Variants in TMTC1 observed in about 807,000 individuals in gnomAD.
TMTC1 encodes the protein transmembrane O-mannosyltransferase targeting cadherins 1.
Under a neutral mutation model 104.8 loss-of-function variants are expected in TMTC1, and 73 were observed. The ratio of observed to expected loss-of-function variants is 0.70; its 90% CI spans 0.58 to 0.85. TMTC1 has a LOEUF of 0.85. Ranked by LOEUF, TMTC1 falls within the 40% of genes least tolerant of loss-of-function variation. TMTC1 has a pLI of 0.00. For synonymous variants in TMTC1, 434 were observed against 428.7 expected (o/e 1.01, Z -0.15); for missense variants, 1,035 against 1,096.1 (o/e 0.94, Z 0.79).
At chr12:29,695,793 T>TATATATATATATA (rs1555188366) in intron 5 of TMTC1, among the ~76,000 whole-genome samples, 155 of 83,642 alleles carry the variant, frequency 1.9e-3, no homozygotes, top group Admixed American at 3.0e-3. Flanking sequence ...TACTTCCTTT[T>TATATATATATATA]TATATATATA....
rs1943089162 is a variant in TMTC1 at position 29,751,521 on chromosome 12, G to A, written c.938+145C>T. ...GAAGGAAGGGAGGGAAATAGGGACAGGAAGAAGGGGGTAAGGAGGGAAGCA... is the reference window on the plus strand; with the variant it reads ...GAAGGAAGGGAGGGAAATAGGGACAAGAAGAAGGGGGTAAGGAGGGAAGCA... On this transcript the variant is annotated intron_variant, in intron 5 of 17. Coordinates refer to ENST00000539277, the MANE Select transcript of TMTC1 (RefSeq NM_001193451.2). 4.9e-6 allele frequency: 4 copies of A among 811,982 alleles called. No homozygotes were observed. The East Asian group carries it at 1.0e-4, about 21-fold the overall frequency. 50.3% of individuals were successfully genotyped at this position (811,982 alleles called of 1,614,324 possible). A position where few individuals can be genotyped will look rare whatever the true frequency, so the allele number is the denominator to read the frequency against.
intron 7 of TMTC1, among the ~76,000 whole-genome samples, chr12:29,597,615 G>A (rs1232829702): frequency 4.4e-5 from 6 of 136,024 alleles, no homozygotes; most frequent in East Asian, 2.2e-4. Flanking sequence ...AGGCAGACAC[G>A]CCATAAAATG....
At chr12:29,532,700 T>C (rs991528008) in intron 11 of TMTC1, 1 of 152,164 alleles carries the variant, frequency 6.6e-6, no homozygotes, top group Non-Finnish European at 1.5e-5. Context: ...CCAGGTATTA[T>C]ATTATGAATA....
chr12:29,615,572 A>T (rs1373343552), intron 6 of TMTC1, among the ~76,000 whole-genome samples: 1 of 152,120 alleles, frequency 6.6e-6, no homozygotes, highest in Non-Finnish European at 1.5e-5. Context: ...TTCTAGGTGA[A>T]ACTTGCCTCC....
rs966730094 is a variant in TMTC1, at chr12:29,759,302, C to T, written c.481-525G>A. Among the ~76,000 whole-genome samples, 3 of 151,932 alleles carry T rather than the reference C, an allele frequency of 2.0e-5. 1 individual carries two copies. Among genetic ancestry groups the T allele is most frequent in the South Asian group, 4.2e-4 (2 of 4,812 alleles). On this transcript the variant is annotated intron_variant, in intron 2 of 17. Transcript: ENST00000539277. ...CTTGAGTTAACGAGTTCAAGACCAG[C>T]CTGGACAACATGGCAAAACCCTGTG... is the stretch of plus-strand genomic sequence containing the variant.
chr12:29,719,886 A>G (rs1021925126), intron 5 of TMTC1, among the ~76,000 whole-genome samples: 1 of 152,218 alleles, frequency 6.6e-6, no homozygotes, highest in African/African-American at 2.4e-5. Flanking sequence ...ATCTAGCTGC[A>G]GTATTGCCAG....
intron 4 of TMTC1, among the ~76,000 whole-genome samples, chr12:29,753,362 T>C (rs973871582): frequency 3.3e-5 from 5 of 152,124 alleles, no homozygotes; most frequent in Non-Finnish European, 4.4e-5. Context: ...GCAGCAGACG[T>C]CCTGCGAGGT....
intron 2 of TMTC1, among the ~76,000 whole-genome samples, chr12:29,767,234 T>C (rs1362273133): frequency 6.6e-6 from 1 of 152,216 alleles, no homozygotes; most frequent in Non-Finnish European, 1.5e-5. Flanking sequence ...ATTACAGGCG[T>C]GAGCCACCAC....
chr12:29,522,587 T>TAA (rs61590627), intron 11 of TMTC1, among the ~76,000 whole-genome samples: 8 of 144,728 alleles, frequency 5.5e-5, no homozygotes, highest in Non-Finnish European at 1.2e-4. Flanking sequence ...TGTGTGTGTG[T>TAA]AATGAAGACA....
At chr12:29,600,451 T>TGTG in intron 7 of TMTC1, among the ~76,000 whole-genome samples, 1 of 152,196 alleles carries the variant, frequency 6.6e-6, no homozygotes, top group Middle Eastern at 3.2e-3. Context: ...TTACCCAGAC[T>TGTG]TTAATTTCCA....
At chr12:29,558,906 G>A (rs1000913909) in intron 9 of TMTC1, among the ~76,000 whole-genome samples, 19 of 152,228 alleles carry the variant, frequency 1.2e-4, no homozygotes, top group African/African-American at 4.1e-4. Context: ...AAAGTGTCCC[G>A]CAAAGCTTGT....
intron 5 of TMTC1, among the ~76,000 whole-genome samples, chr12:29,688,196 T>C (rs991181181): frequency 5.9e-5 from 9 of 152,190 alleles, no homozygotes; most frequent in Middle Eastern, 3.2e-3. Context: ...GATTGAATTA[T>C]TGAAGGATGT....
intron 11 of TMTC1, among the ~76,000 whole-genome samples, chr12:29,529,561 G>T (rs1944442019): frequency 6.6e-6 from 1 of 152,070 alleles, no homozygotes; most frequent in Non-Finnish European, 1.5e-5. Context: ...TTACAAACCT[G>T]GGAAATTAAG....
Position 29,783,757 on chromosome 12 carries a change from C to G in TMTC1, c.-6G>C. 2 of 1,154,986 alleles carry G rather than the reference C, an allele frequency of 1.7e-6. No homozygotes were observed. The highest frequency in any genetic ancestry group is 8.4e-5 in the South Asian group (2 of 23,834). 71.5% of individuals were successfully genotyped at this position (1,154,986 alleles called of 1,614,324 possible). On this transcript the variant is annotated 5_prime_UTR_variant, in exon 1 of 18. Coordinates refer to ENST00000539277, the MANE Select transcript of TMTC1 (RefSeq NM_001193451.2). The surrounding 1 kb of genome is among the most constrained non-coding windows in gnomAD (Gnocchi z 4.7). Reference sequence around the variant, plus strand: ...GCAGAGGTGGTCACCACCATCGCGCCGCCGCCGCCGCTGCTGCCCTGGCCT... The same window carrying G: ...GCAGAGGTGGTCACCACCATCGCGCGGCCGCCGCCGCTGCTGCCCTGGCCT...
At chr12:29,759,157 T>C (rs996866312) in intron 2 of TMTC1, among the ~76,000 whole-genome samples, 21 of 152,172 alleles carry the variant, frequency 1.4e-4, no homozygotes, top group African/African-American at 4.6e-4. Context: ...GAGCAGACAA[T>C]ATTTTTAGAG....
Position 29,541,656 on chromosome 12 carries a change from C to CTTT in TMTC1, c.1677-5342_1677-5340dup, listed in dbSNP as rs35079677. 6.8e-3 allele frequency among the ~76,000 whole-genome samples: 783 copies of CTTT among 115,588 alleles called. 14 individuals carry two copies. The highest frequency in any genetic ancestry group is 0.023 in the Admixed American group (256 of 11,326). 75.8% of individuals were successfully genotyped at this position (115,588 alleles called of 152,430 possible). A position where few individuals can be genotyped will look rare whatever the true frequency, so the allele number is the denominator to read the frequency against. Reference sequence around the variant, plus strand: ...ATACCACAATAGTTTTTCACTGTTGCTTTTTTTTTTTTTTTTTTTTGAGAC... The same window carrying CTTT: ...ATACCACAATAGTTTTTCACTGTTGCTTTTTTTTTTTTTTTTTTTTTTTGAGAC... On this transcript the variant is annotated intron_variant, in intron 10 of 17. Transcript: ENST00000539277.
chr12:29,714,648 T>C lies in TMTC1; in HGVS notation c.938+37018A>G, dbSNP rs144773977. Among the ~76,000 whole-genome samples the C allele has an allele frequency of 9.5e-3, 1,439 of 151,930 alleles. 8 individuals are homozygous for C. Among genetic ancestry groups the C allele is most frequent in the Non-Finnish European group, 0.013 (903 of 68,034 alleles). ...ACCTCACAGAACCTCCCTAAAAGGA[T>C]CTGGGGTACCCCCCCTGGATTTGTG... On this transcript the variant is annotated intron_variant, in intron 5 of 17. Transcript: ENST00000539277.
At chr12:29,622,246 A>G (rs948974091) in intron 6 of TMTC1, among the ~76,000 whole-genome samples, 12 of 152,208 alleles carry the variant, frequency 7.9e-5, no homozygotes, top group African/African-American at 2.7e-4. Context: ...GTATAAAAAT[A>G]CCTTAAAATC....
Position 29,771,213 on chromosome 12 carries a change from C to G in TMTC1, c.303-3138G>C, listed in dbSNP as rs564091282. 2.2e-3 allele frequency among the ~76,000 whole-genome samples: 330 copies of G among 152,248 alleles called. 1 individual carries two copies. Among genetic ancestry groups the G allele is most frequent in the African/African-American group, 6.7e-3 (279 of 41,568 alleles). ...AAGGAGAATTAATGTACCAGAAGAA[C>G]TAACTGACATTCACAAAGAGTTTAA... is the stretch of plus-strand genomic sequence containing the variant. On this transcript the variant is annotated intron_variant, in intron 1 of 17. Coordinates refer to ENST00000539277, the MANE Select transcript of TMTC1 (RefSeq NM_001193451.2).
Sources: allele counts gnomAD v4.1 joint callset (sites outside exome capture counted in the v4.1 genomes callset), GRCh38; gene constraint gnomAD v4.1.1; non-coding constraint Gnocchi (gnomAD v3.1); transcripts MANE v1.5; gene names NCBI Gene and HGNC (gene_info 2026-07-23, HGNC 2026-07-21).